Variants in ZFHX3 observed in about 807,000 individuals in gnomAD.
ZFHX3 encodes zinc finger homeobox protein 3.
In ZFHX3, 42 loss-of-function variants were observed where a neutral mutation model predicts 279.1. The observed-to-expected ratio is 0.15, with a 90% CI of 0.12 to 0.19. The LOEUF (loss-of-function observed/expected upper bound fraction) is 0.19, where lower values mean the gene tolerates loss of function less well. Among genes scored for constraint, ZFHX3 ranks in the 10% least tolerant of loss-of-function variants. The probability of loss-of-function intolerance (pLI) is 1.00; values close to 1 mark genes in which losing one functional copy is unlikely to be tolerated. For missense variants in ZFHX3, 4,981 were observed against 4,754.0 expected (o/e 1.05, Z -1.40); for synonymous variants, 2,293 against 1,957.8 (o/e 1.17, Z -4.52).
chr16:72,855,900 C>A (rs1013043533), intron 4 of ZFHX3, among the ~76,000 whole-genome samples: 1 of 152,166 alleles, frequency 6.6e-6, no homozygotes, highest in African/African-American at 2.4e-5. Flanking sequence ...CCAACTGCCA[C>A]CTTCCCCGTG....
In ZFHX3 at chr16:72,795,361, T is replaced by C; in HGVS notation, c.7321A>G (p.Asn2441Asp). ...KLAEAPSAQPNQTQEKQGQPK... is the reference protein window; with the variant it reads ...KLAEAPSAQPDQTQEKQGQPK... ...TGTCCTTGCTTTTCTTGGGTTTGGT[T>C]TGGCTGTGCACTGGGAGCTTCCGCC... Residue 2441 changes from asparagine (N) to aspartate (D), a missense_variant, in exon 9 of 10, where the codon AAC becomes GAC. Coordinates refer to ENST00000268489, the MANE Select transcript of ZFHX3 (RefSeq NM_006885.4). 6.2e-7 allele frequency: 1 copy of C among 1,614,092 alleles called. No homozygotes were observed. Among genetic ancestry groups the C allele is most frequent in the Admixed American group, 1.7e-5 (1 of 60,018 alleles).
At chr16:72,901,910 T>TC (rs2039046677) in intron 3 of ZFHX3, among the ~76,000 whole-genome samples, 2 of 152,030 alleles carry the variant, frequency 1.3e-5, no homozygotes, top group Admixed American at 6.6e-5. Flanking sequence ...CTGCCCTCCT[T>TC]CCCCCACCCC....
chr16:73,042,970 A>T (rs1965169807), intron 1 of ZFHX3, among the ~76,000 whole-genome samples: 1 of 151,918 alleles, frequency 6.6e-6, no homozygotes, highest in Admixed American at 6.6e-5. Context: ...GAGGCATCCC[A>T]GCACCGGCCC....
chr16:73,175,368 AG>A (rs564875160), intron 5 of ZFHX3, among the ~76,000 whole-genome samples: 9 of 150,218 alleles, frequency 6.0e-5, no homozygotes, highest in Non-Finnish European at 1.0e-4. Context: ...CAACAGAGAG[AG>A]ACTATGTCTC....
chr16:73,468,984 C>A (rs1372767286), intron 2 of ZFHX3, among the ~76,000 whole-genome samples: 1 of 152,124 alleles, frequency 6.6e-6, no homozygotes, highest in African/African-American at 2.4e-5. Context: ...ATTTAACAAG[C>A]AAAGTTGTAA....
intron 5 of ZFHX3, among the ~76,000 whole-genome samples, chr16:73,155,218 GA>G (rs1363257866): frequency 1.3e-5 from 2 of 149,210 alleles, no homozygotes; most frequent in South Asian, 2.1e-4. Context: ...AAAATAAAAA[GA>G]TTTTTTTTTC....
chr16:73,507,983 C>A (rs867547914), intron 2 of ZFHX3, among the ~76,000 whole-genome samples: 4 of 152,188 alleles, frequency 2.6e-5, no homozygotes, highest in Non-Finnish European at 4.4e-5. Context: ...GGGGCAAGGA[C>A]AACATGTGTG....
rs150173751 is a variant in ZFHX3, at chr16:73,640,155, A to G, written c.-1547+40025T>C. ...CAGAGATCCTGGGGCCTGCAATGGA[A>G]CTGGAGCATTCAGTGAAAGTTTGCA... is the stretch of plus-strand genomic sequence containing the variant. On this transcript the variant is annotated intron_variant, in intron 2 of 17. Coordinates refer to the ZFHX3 transcript ENST00000641206. Among the ~76,000 whole-genome samples the G allele has an allele frequency of 9.8e-5, 15 of 152,296 alleles. No individual in the cohort carries two copies. In the East Asian group the frequency reaches 2.9e-3, roughly 29 times the overall value.
intron 1 of ZFHX3, among the ~76,000 whole-genome samples, chr16:73,777,660 G>C (rs1451612758): frequency 6.6e-6 from 1 of 151,790 alleles, no homozygotes; most frequent in African/African-American, 2.4e-5. Context: ...TGATAACAAT[G>C]GCTGATACCC....
intron 5 of ZFHX3, among the ~76,000 whole-genome samples, chr16:72,825,390 A>T (rs2036906369): frequency 6.6e-6 from 1 of 152,268 alleles, no homozygotes; most frequent in Non-Finnish European, 1.5e-5. Context: ...TCAAACTGAA[A>T]ATGATCCTTC....
rs112184906 is a variant in ZFHX3, at chr16:73,019,343, C to CGTGT, written c.-50+28405_-50+28408dup. Among the ~76,000 whole-genome samples the CGTGT allele has an allele frequency of 7.9e-3, 1,186 of 150,160 alleles. 16 individuals carry two copies. Among genetic ancestry groups the CGTGT allele is most frequent in the Non-Finnish European group, 0.012 (789 of 67,404 alleles). On this transcript the variant is annotated intron_variant, in intron 1 of 9. Coordinates refer to ENST00000268489, the MANE Select transcript of ZFHX3 (RefSeq NM_006885.4). The stretch of plus-strand genomic sequence containing the variant: ...CAGCGTGTGCGTGTGTGTGTCTGTG[C>CGTGT]GTGTGTGTGTGTGTGTGTGTGTGTG...
chr16:73,320,417 C>T (rs1038235115), intron 3 of ZFHX3, among the ~76,000 whole-genome samples: 6 of 152,296 alleles, frequency 3.9e-5, no homozygotes, highest in East Asian at 3.9e-4. Context: ...GCAAATTACA[C>T]GGCATTTATT....
At chr16:73,760,703 A>G (rs1488542481) in intron 1 of ZFHX3, among the ~76,000 whole-genome samples, 1 of 152,240 alleles carries the variant, frequency 6.6e-6, no homozygotes, top group Non-Finnish European at 1.5e-5. Flanking sequence ...TCATTACATA[A>G]ACAGAACTAA....
chr16:73,474,109 G>C (rs73598951), intron 2 of ZFHX3, among the ~76,000 whole-genome samples: 5 of 151,940 alleles, frequency 3.3e-5, no homozygotes, highest in Admixed American at 6.6e-5. Flanking sequence ...AAATTCTTTG[G>C]GGTCTGGATT....
At chr16:72,884,485 A>G (rs929188618) in intron 4 of ZFHX3, among the ~76,000 whole-genome samples, 1 of 152,218 alleles carries the variant, frequency 6.6e-6, no homozygotes, top group Non-Finnish European at 1.5e-5. Flanking sequence ...GTGATCAGCT[A>G]TGTTCTCCAA....
chr16:73,629,252 TG>T (rs1176887968), intron 2 of ZFHX3, among the ~76,000 whole-genome samples: 1 of 152,180 alleles, frequency 6.6e-6, no homozygotes, highest in Admixed American at 6.5e-5. Context: ...CTGCCCTGTA[TG>T]TTGCCTGGAA....
intron 5 of ZFHX3, among the ~76,000 whole-genome samples, chr16:73,190,421 A>G (rs545575320): frequency 6.6e-6 from 1 of 152,360 alleles, no homozygotes; most frequent in South Asian, 2.1e-4. Context: ...GAGCTCACAC[A>G]TAGATTGCCT....
chr16:73,402,006 T>A (rs1309071858), intron 3 of ZFHX3: 2 of 152,236 alleles, frequency 1.3e-5, no homozygotes. Flanking sequence ...AGAGTCACCC[T>A]CTATATGGAA....
chr16:73,841,984 G>A (rs1193306235), intron 1 of ZFHX3, among the ~76,000 whole-genome samples: 1 of 152,044 alleles, frequency 6.6e-6, no homozygotes, highest in Non-Finnish European at 1.5e-5. Context: ...GGAGGCTGAG[G>A]CAGGTGGATC....
Sources: gnomAD v4.1 joint callset for allele counts (sites outside exome capture counted in the v4.1 genomes callset) on GRCh38, gnomAD v4.1.1 for gene constraint, MANE v1.5 for transcripts, NCBI Gene and HGNC (gene_info 2026-07-23, HGNC 2026-07-21) for gene names.